Variants in CRTAC1 observed in about 807,000 individuals in gnomAD.
CRTAC1 encodes the protein cartilage acidic protein 1, also known as acidic secreted protein in cartilage.
In CRTAC1, 37 loss-of-function variants were observed where a neutral mutation model predicts 67.8. The observed-to-expected ratio is 0.55, with a 90% CI of 0.42 to 0.72. The LOEUF (loss-of-function observed/expected upper bound fraction) is 0.72, where lower values mean the gene tolerates loss of function less well. Among genes scored for constraint, CRTAC1 ranks in the 30% least tolerant of loss-of-function variants. The probability of loss-of-function intolerance (pLI) is 0.00; values close to 1 mark genes in which losing one functional copy is unlikely to be tolerated. For missense variants in CRTAC1, 780 were observed against 931.6 expected, an observed-to-expected ratio of 0.84 and a Z score of 2.12; for synonymous variants, 348 against 371.0, an observed-to-expected ratio of 0.94 and a Z score of 0.71.
intron 2 of CRTAC1, among the ~76,000 whole-genome samples, chr10:97,982,569 T>C (rs905456090): frequency 5.9e-5 from 9 of 152,058 alleles, no homozygotes; most frequent in Non-Finnish European, 8.8e-5. Flanking sequence ...CATCAGAAAA[T>C]TGGATGAAAG....
chr10:97,903,098 C>T (rs2050563990), intron 7 of CRTAC1, among the ~76,000 whole-genome samples: 1 of 151,100 alleles, frequency 6.6e-6, no homozygotes, highest in Non-Finnish European at 1.5e-5. Flanking sequence ...ATAAATAGGG[C>T]ATTTATGTAT....
At chr10:97,933,359 G>A (rs1189198216) in intron 3 of CRTAC1, among the ~76,000 whole-genome samples, 1 of 152,244 alleles carries the variant, frequency 6.6e-6, no homozygotes, top group African/African-American at 2.4e-5. Flanking sequence ...TTATGCCCTC[G>A]ATCTCATGAG....
chr10:98,020,757 G>C (rs1590299825), intron 1 of CRTAC1, among the ~76,000 whole-genome samples: 2 of 152,380 alleles, frequency 1.3e-5, no homozygotes, highest in Middle Eastern at 3.4e-3. Context: ...CTGCAGTGCA[G>C]ACTCGGGGCA....
intron 9 of CRTAC1, among the ~76,000 whole-genome samples, chr10:97,896,379 G>A (rs1326365203): frequency 6.6e-6 from 1 of 152,146 alleles, no homozygotes; most frequent in Non-Finnish European, 1.5e-5. Context: ...AACCCAAAGA[G>A]GTGAAGAGGG....
chr10:97,873,862 G>C (rs1367189613), intron 14 of CRTAC1, among the ~76,000 whole-genome samples: 1 of 152,186 alleles, frequency 6.6e-6, no homozygotes, highest in Non-Finnish European at 1.5e-5. Flanking sequence ...CCTCACAGCT[G>C]AACAGGCTCC....
chr10:97,913,426 T>C (rs60280813), intron 5 of CRTAC1, among the ~76,000 whole-genome samples: 11,237 of 152,104 alleles, frequency 0.074, 543 homozygotes, highest in African/African-American at 0.13. Context: ...TGTTTCCTCT[T>C]GACAGAGGAG....
In CRTAC1 at chr10:98,008,448, G is replaced by T. The variant is rs543997216; in HGVS notation, c.224+2690C>A. 2.0e-5 allele frequency among the ~76,000 whole-genome samples: 3 copies of T among 152,068 alleles called. No individual in the cohort carries two copies. In the East Asian group the frequency reaches 5.8e-4, roughly 30 times the overall value. On this transcript the variant is annotated intron_variant, in intron 2 of 14. Coordinates refer to ENST00000370597, the MANE Select transcript of CRTAC1 (RefSeq NM_018058.7). Reference sequence around the variant, plus strand: ...GGTGGGGTGGGGGGGCACCCAACGGGTCTCCTGCAACAGCCAGGGCAGAAA... The same window carrying T: ...GGTGGGGTGGGGGGGCACCCAACGGTTCTCCTGCAACAGCCAGGGCAGAAA...
chr10:97,936,221 C>T lies in CRTAC1; in HGVS notation c.370G>A (p.Gly124Arg), dbSNP rs758769483. Reference protein sequence around the residue: ...AIGVTACDIDGDGREEIYFLN... With the variant: ...AIGVTACDIDRDGREEIYFLN... The stretch of plus-strand genomic sequence containing the variant: ...AAGTAGATCTCCTCCCGGCCGTCCC[C>T]GTCGATGTCGCAGGCTGTGACCCCG... Residue 124 changes from glycine (G) to arginine (R), a missense_variant, in exon 3 of 15, where the codon GGG becomes AGG. Coordinates refer to ENST00000370597, the MANE Select transcript of CRTAC1 (RefSeq NM_018058.7). The T allele has an allele frequency of 8.1e-6, 13 of 1,613,894 alleles. No homozygotes were observed. The highest frequency in any genetic ancestry group is 1.1e-5 in the Non-Finnish European group (13 of 1,179,938).
chr10:97,936,373 G>A lies in CRTAC1; in HGVS notation c.225-7C>T, dbSNP rs778738484. The A allele has an allele frequency of 6.9e-6, 11 of 1,596,726 alleles. No individual in the cohort carries two copies. The Admixed American group carries it at 1.0e-4, about 15-fold the overall frequency. On this transcript the variant is annotated splice_region_variant and splice_polypyrimidine_tract_variant and intron_variant, in intron 2 of 14. Coordinates refer to ENST00000370597, the MANE Select transcript of CRTAC1 (RefSeq NM_018058.7). ...CAGGTTGGGTCCATTGTACCTGGAG[G>A]AGGAATGGGGAGGGGATGCTGGGGA...
chr10:97,917,798 G>A (rs533177135), intron 4 of CRTAC1, 142 bp from the exon 5 acceptor site: 76 of 506,894 alleles, frequency 1.5e-4, no homozygotes, highest in Non-Finnish European at 6.5e-5. Flanking sequence ...GGCCTTGCAG[G>A]CTGTGCATGG....
chr10:97,891,664 C>T (rs7916771), intron 11 of CRTAC1, among the ~76,000 whole-genome samples: 7,365 of 152,338 alleles, frequency 0.048, 286 homozygotes, highest in African/African-American at 0.11. Context: ...CACAGGTTCA[C>T]CTCTGTCTTT....
chr10:97,876,637 T>C (rs1253553869), intron 14 of CRTAC1, among the ~76,000 whole-genome samples: 1 of 152,124 alleles, frequency 6.6e-6, no homozygotes, highest in African/African-American at 2.4e-5. Flanking sequence ...CCTAAAGGCA[T>C]TTGTTATTTT....
chr10:97,916,563 G>C (rs1330399656), intron 5 of CRTAC1, among the ~76,000 whole-genome samples: 1 of 152,154 alleles, frequency 6.6e-6, no homozygotes, highest in African/African-American at 2.4e-5. Flanking sequence ...TCTGGAGGCA[G>C]GGTGGTACCC....
Position 97,895,289 on chromosome 10 carries a change from G to A in CRTAC1, c.1442C>T (p.Ser481Leu). 4 of 1,613,430 alleles carry A rather than the reference G, an allele frequency of 2.5e-6. No homozygotes were observed. The highest frequency in any genetic ancestry group is 3.4e-6 in the Non-Finnish European group (4 of 1,180,010). Reference protein sequence around the residue: ...GAHLRIIDGGSGYLCEMEPVA... With the variant: ...GAHLRIIDGGLGYLCEMEPVA... ...GGGCTCCATCTCACACAGGTAGCCT[G>A]AGCCCCCGTCGATGATCCTCAGGTG... is the stretch of plus-strand genomic sequence containing the variant. Residue 481 changes from serine (S) to leucine (L), a missense_variant, in exon 11 of 15, where the codon TCA becomes TTA. By Grantham distance (145) the Ser-to-Leu change is moderately radical. Coordinates refer to ENST00000370597, the MANE Select transcript of CRTAC1 (RefSeq NM_018058.7). This position sits in a 1 kb window ranked among gnomAD's most constrained non-coding sequence, Gnocchi z 4.2.
intron 14 of CRTAC1, among the ~76,000 whole-genome samples, chr10:97,872,563 C>A (rs2050105344): frequency 6.6e-6 from 1 of 152,140 alleles, no homozygotes; most frequent in African/African-American, 2.4e-5. Flanking sequence ...AATTCTTTAC[C>A]TGAGAGATCT....
chr10:98,016,046 T>C (rs987692348), intron 1 of CRTAC1, among the ~76,000 whole-genome samples: 7 of 152,238 alleles, frequency 4.6e-5, no homozygotes, highest in African/African-American at 1.7e-4. Flanking sequence ...CTCAAAGTGC[T>C]GGCTGTCTTC....
intron 2 of CRTAC1, among the ~76,000 whole-genome samples, chr10:97,964,566 C>T (rs1470672140): frequency 2.0e-5 from 3 of 152,210 alleles, no homozygotes; most frequent in Non-Finnish European, 2.9e-5. Flanking sequence ...ACGTAAGAAA[C>T]AAGCTTGAGT....
chr10:97,880,797 T>TCTGCC lies in CRTAC1; in HGVS notation c.1676-410_1676-406dup, dbSNP rs2050203152. On this transcript the variant is annotated intron_variant, in intron 13 of 14. Coordinates refer to ENST00000370597, the MANE Select transcript of CRTAC1 (RefSeq NM_018058.7). ...ATATGTCCAAAATAGAACTCCAGAT[T>TCTGCC]CTGCCCTGCCCTGCCCATATTCTGG... 3.3e-5 allele frequency among the ~76,000 whole-genome samples: 5 copies of TCTGCC among 152,130 alleles called. No homozygotes were observed. In the South Asian group the frequency reaches 1.0e-3, roughly 32 times the overall value.
intron 2 of CRTAC1, among the ~76,000 whole-genome samples, chr10:97,999,865 C>T (rs753103938): frequency 2.0e-5 from 3 of 152,178 alleles, no homozygotes; most frequent in Non-Finnish European, 4.4e-5. Flanking sequence ...CACTCCAGGG[C>T]CCCCTCACTG....
Sources: allele counts gnomAD v4.1 joint callset (sites outside exome capture counted in the v4.1 genomes callset), GRCh38; gene constraint gnomAD v4.1.1; non-coding constraint Gnocchi (gnomAD v3.1); transcripts MANE v1.5; gene names NCBI Gene and HGNC (gene_info 2026-07-23, HGNC 2026-07-21).